OSBPL1A: variants seen among roughly 807,000 people sequenced by gnomAD.
The protein encoded by OSBPL1A is oxysterol-binding protein-related protein 1.
A neutral mutation model predicts 137.1 loss-of-function variants in OSBPL1A; 80 were observed. The ratio of observed to expected loss-of-function variants is 0.58; its 90% confidence interval spans 0.49 to 0.70. The LOEUF is 0.70. OSBPL1A is among the 30% of genes least tolerant of loss of function. The probability of loss-of-function intolerance (pLI) is 0.00; values close to 1 mark genes in which losing one functional copy is unlikely to be tolerated. For missense variants in OSBPL1A, 970 were observed against 1,129.4 expected (o/e 0.86, Z 2.02); for synonymous variants, 365 against 389.7 (o/e 0.94, Z 0.75).
chr18:24,311,364 C>T, intron 13 of OSBPL1A: 2 of 576,060 alleles, frequency 3.5e-6, no homozygotes, highest in Non-Finnish European at 4.4e-6. Context: ...CTTCCGAACT[C>T]AATTCCCATT....
At chr18:24,167,186 G>A (rs2086162814) in intron 25 of OSBPL1A, 143 bp downstream of exon 25, 1 of 706,946 alleles carries the variant, frequency 1.4e-6, no homozygotes, top group African/African-American at 1.8e-5. Flanking sequence ...CAGGCAAGAA[G>A]GGAGCACCCG....
intron 7 of OSBPL1A, among the ~76,000 whole-genome samples, chr18:24,322,026 A>C (rs2090869705): frequency 6.6e-6 from 1 of 152,088 alleles, no homozygotes; most frequent in Non-Finnish European, 1.5e-5. Flanking sequence ...GCAATAGTGC[A>C]GGTAAAGGAT....
At chr18:24,222,911 A>C (rs778749110) in intron 17 of OSBPL1A, among the ~76,000 whole-genome samples, 22 of 152,086 alleles carry the variant, frequency 1.4e-4, no homozygotes, top group Non-Finnish European at 2.4e-4. Flanking sequence ...GTGAGGGAGA[A>C]ATGCAAGGTT....
At chr18:24,167,193 C>T in intron 25 of OSBPL1A, 136 bp downstream of exon 25, 1 of 743,336 alleles carries the variant, frequency 1.3e-6, no homozygotes, top group South Asian at 1.7e-5. Context: ...GAAGGGAGCA[C>T]CCGGGAGCCA....
At chr18:24,220,211 G>A (rs969971396) in intron 17 of OSBPL1A, among the ~76,000 whole-genome samples, 4 of 152,218 alleles carry the variant, frequency 2.6e-5, no homozygotes, top group African/African-American at 9.7e-5. Flanking sequence ...CAGCACAGTG[G>A]TGCCCTCGTC....
chr18:24,341,439 T>A, intron 5 of OSBPL1A, 108 bp downstream of exon 5: 2 of 702,848 alleles, frequency 2.8e-6, no homozygotes, highest in Non-Finnish European at 5.0e-6. Flanking sequence ...CATTAGAGCA[T>A]CAGCTGGTTA....
chr18:24,206,677 T>C (rs1449127676), intron 17 of OSBPL1A, among the ~76,000 whole-genome samples: 1 of 152,188 alleles, frequency 6.6e-6, no homozygotes, highest in African/African-American at 2.4e-5. Flanking sequence ...TGCTCCTCCA[T>C]TCAGGCTTCT....
At chr18:24,256,973 A>AAAAG (rs2089295991) in intron 15 of OSBPL1A, among the ~76,000 whole-genome samples, 1 of 134,748 alleles carries the variant, frequency 7.4e-6, no homozygotes, top group African/African-American at 3.0e-5. Flanking sequence ...GCAAAAAAAA[A>AAAAG]AAAAAAAAAA....
intron 17 of OSBPL1A, 49 bp from the exon 18 acceptor site, chr18:24,196,249 G>T: frequency 7.5e-7 from 1 of 1,327,542 alleles, no homozygotes; most frequent in Non-Finnish European, 1.1e-6. Context: ...GCCATTGTCA[G>T]CAGGAGGGAA....
chr18:24,177,110 A>T (rs1015599673), intron 21 of OSBPL1A, among the ~76,000 whole-genome samples: 9 of 152,164 alleles, frequency 5.9e-5, no homozygotes, highest in Non-Finnish European at 1.0e-4. Context: ...TCCTTTACTC[A>T]GTTTCTCTGG....
rs2145897599 is a variant in OSBPL1A at position 24,162,828 on chromosome 18, TTGGG to T, written c.*347_*350del. On this transcript the variant is annotated 3_prime_UTR_variant, in exon 28 of 28. Coordinates refer to ENST00000319481, the MANE Select transcript of OSBPL1A (RefSeq NM_080597.4). ...ATAAAAATATTCAAAATAACTTGAT[TTGGG>T]ATTACTATATAGTTCCATAAAGCTA... The T allele has an allele frequency of 5.9e-6, 1 of 168,378 alleles. No homozygotes were observed. The highest frequency in any genetic ancestry group is 6.2e-5 in the Admixed American group (1 of 16,194). 10.4% of individuals were successfully genotyped at this position (168,378 alleles called of 1,614,324 possible).
chr18:24,228,252 T>TTCTCCCTG (rs2088152870), intron 16 of OSBPL1A, among the ~76,000 whole-genome samples: 1 of 147,688 alleles, frequency 6.8e-6, no homozygotes, highest in Non-Finnish European at 1.5e-5. Flanking sequence ...GTCCTTACTC[T>TTCTCCCTG]TCTCCCTGTC....
At chr18:24,351,771 C>G (rs1434274022) in intron 4 of OSBPL1A, among the ~76,000 whole-genome samples, 2 of 152,134 alleles carry the variant, frequency 1.3e-5, no homozygotes, top group Non-Finnish European at 2.9e-5. Context: ...AACTCCTGAC[C>G]TCAGGTGATC....
At chr18:24,304,127 A>G (rs907264511) in intron 13 of OSBPL1A, among the ~76,000 whole-genome samples, 1 of 151,614 alleles carries the variant, frequency 6.6e-6, no homozygotes, top group East Asian at 1.9e-4. Context: ...TTTTGTTCAG[A>G]AAAAAAAATC....
chr18:24,224,731 T>C (rs2088010503), intron 17 of OSBPL1A, among the ~76,000 whole-genome samples: 1 of 152,206 alleles, frequency 6.6e-6, no homozygotes, highest in Non-Finnish European at 1.5e-5. Flanking sequence ...AGATGTATGA[T>C]GAGAAAGGGC....
chr18:24,174,134 A>G (rs188337889), intron 21 of OSBPL1A, among the ~76,000 whole-genome samples: 1 of 152,334 alleles, frequency 6.6e-6, no homozygotes, highest in East Asian at 1.9e-4. Flanking sequence ...CACCCACTGA[A>G]GGGCATGTGG....
chr18:24,211,703 C>T (rs1162405430), intron 17 of OSBPL1A, among the ~76,000 whole-genome samples: 5 of 151,878 alleles, frequency 3.3e-5, no homozygotes, highest in African/African-American at 7.3e-5. Flanking sequence ...GTGTCTCATG[C>T]CTGTAATCCT....
intron 15 of OSBPL1A, among the ~76,000 whole-genome samples, chr18:24,249,925 A>C (rs1316109548): frequency 1.3e-5 from 2 of 152,210 alleles, no homozygotes; most frequent in Non-Finnish European, 2.9e-5. Context: ...GTCACTGGCC[A>C]AGGTGGCTAA....
intron 4 of OSBPL1A, among the ~76,000 whole-genome samples, chr18:24,360,055 C>T (rs1599713230): frequency 1.3e-5 from 2 of 152,182 alleles, no homozygotes; most frequent in Middle Eastern, 3.2e-3. Flanking sequence ...GCAACCTCCG[C>T]CTCCCAGGTT....
Sources: allele counts gnomAD v4.1 joint callset (sites outside exome capture counted in the v4.1 genomes callset), GRCh38; gene constraint gnomAD v4.1.1; transcripts MANE v1.5; gene names NCBI Gene and HGNC (gene_info 2026-07-23, HGNC 2026-07-21).